The following ZBTB38 variants were observed in gnomAD, a reference collection of about 807,000 sequenced individuals.
ZBTB38 encodes zinc finger and BTB domain containing 38, also known as zinc finger and BTB domain-containing protein 38.
In ZBTB38, 20 loss-of-function variants were observed where a neutral mutation model predicts 76.8. The observed-to-expected ratio is 0.26, with a 90% CI of 0.18 to 0.38. The LOEUF (loss-of-function observed/expected upper bound fraction) is 0.38. Among genes scored for constraint, ZBTB38 ranks in the 10% least tolerant of loss-of-function variants. ZBTB38 has a pLI of 1.00. For synonymous variants in ZBTB38, 504 were observed against 544.2 expected, an observed-to-expected ratio of 0.93 and a Z score of 1.03; for missense variants, 1,082 against 1,482.3, an observed-to-expected ratio of 0.73 and a Z score of 4.43.
chr3:141,327,970 T>C (rs1942724357), intron 1 of ZBTB38, among the ~76,000 whole-genome samples: 3 of 152,234 alleles, frequency 2.0e-5, no homozygotes. Context: ...CAGAACTAGG[T>C]CATGCCTCTG....
intron 5 of ZBTB38, among the ~76,000 whole-genome samples, chr3:141,417,455 T>G (rs1227257688): frequency 1.3e-5 from 2 of 152,214 alleles, no homozygotes; most frequent in African/African-American, 4.8e-5. Flanking sequence ...GTAGCACATC[T>G]AAACGCAGTA....
chr3:141,377,291 G>A (rs547792012), intron 2 of ZBTB38, among the ~76,000 whole-genome samples: 2 of 152,360 alleles, frequency 1.3e-5, no homozygotes, highest in Admixed American at 1.3e-4. Context: ...CCAAACTGCT[G>A]TGTAGACAGC....
At chr3:141,345,225 G>A (rs1399982216) in intron 1 of ZBTB38, among the ~76,000 whole-genome samples, 1 of 152,082 alleles carries the variant, frequency 6.6e-6, no homozygotes, top group African/African-American at 2.4e-5. Flanking sequence ...AGCTCTAGTG[G>A]TTTCTGTGGG....
chr3:141,403,809 C>T (rs1358970931), intron 4 of ZBTB38, 118 bp from the exon 5 acceptor site: 1 of 152,210 alleles, frequency 6.6e-6, no homozygotes, highest in African/African-American at 2.4e-5. Flanking sequence ...ATATGTCAAC[C>T]ACTTTGTGGG....
intron 5 of ZBTB38, among the ~76,000 whole-genome samples, chr3:141,435,052 G>C (rs1193356054): frequency 1.3e-5 from 2 of 152,140 alleles, no homozygotes; most frequent in Non-Finnish European, 2.9e-5. Flanking sequence ...AGCTGAGGTG[G>C]AAGGATCACT....
At position 141,327,466 on chromosome 3, in the gene ZBTB38, A is replaced by G. The variant is rs370812175; in HGVS notation, c.-739+3010A>G. ...AGTCCAACCGTGAGAAAAATGTCAG[A>G]CTAAAATTGAAGAAAATTCTATAAA... On this transcript the variant is annotated intron_variant, in intron 1 of 7. Coordinates refer to the ZBTB38 transcript ENST00000509842. Among the ~76,000 whole-genome samples the G allele has an allele frequency of 3.3e-5, 5 of 152,200 alleles. No individual in the cohort carries two copies. In the South Asian group the frequency reaches 8.3e-4, roughly 25 times the overall value.
chr3:141,413,489 C>T lies in ZBTB38; in HGVS notation c.-1+9458C>T, dbSNP rs768467217. 6.6e-6 allele frequency among the ~76,000 whole-genome samples: 1 copy of T among 152,158 alleles called. No homozygotes were observed. Among genetic ancestry groups the T allele is most frequent in the Non-Finnish European group, 1.5e-5 (1 of 68,036 alleles). On this transcript the variant is annotated intron_variant, in intron 5 of 5. Coordinates refer to ENST00000321464, the MANE Select transcript of ZBTB38 (RefSeq NM_001376113.1). The surrounding 1 kb of genome is among the most constrained non-coding windows in gnomAD (Gnocchi z 4.1). ...CCCTATTGTTTTGAATACCTGACAGCTGGATGGTCCAGGCCCTATTTCTAT... is the reference window on the plus strand; with the variant it reads ...CCCTATTGTTTTGAATACCTGACAGTTGGATGGTCCAGGCCCTATTTCTAT...
chr3:141,434,235 G>A, intron 5 of ZBTB38: 1 of 983,710 alleles, frequency 1.0e-6, no homozygotes, highest in Non-Finnish European at 1.2e-6. Flanking sequence ...GAACAAATGA[G>A]GATTGCCAGG....
Position 141,442,234 on chromosome 3 carries a change from A to G in ZBTB38, c.1-155A>G, listed in dbSNP as rs1205265674. Among the ~76,000 whole-genome samples the G allele has an allele frequency of 6.6e-6, 1 of 152,204 alleles. No homozygotes were observed. The highest frequency in any genetic ancestry group is 1.5e-5 in the Non-Finnish European group (1 of 68,030). On this transcript the variant is annotated intron_variant, in intron 5 of 5. Coordinates refer to ENST00000321464, the MANE Select transcript of ZBTB38 (RefSeq NM_001376113.1). The surrounding 1 kb of genome is among the most constrained non-coding windows in gnomAD (Gnocchi z 6.4). ...GGGCAAGAAAAAGATTTAGCTTCTA[A>G]TGTTGACTCTTGAGTCTCGGGAGCA...
chr3:141,348,217 G>A (rs1046023315), intron 1 of ZBTB38, among the ~76,000 whole-genome samples: 2 of 152,126 alleles, frequency 1.3e-5, no homozygotes, highest in African/African-American at 4.8e-5. Context: ...TACTATATAT[G>A]GTCATATGGT....
chr3:141,390,663 C>G (rs1948579715), intron 4 of ZBTB38, among the ~76,000 whole-genome samples: 1 of 152,174 alleles, frequency 6.6e-6, no homozygotes, highest in Admixed American at 6.5e-5. Flanking sequence ...CCATGTGGTT[C>G]ATTCTAACAG....
At chr3:141,425,358 A>T (rs1218753227) in intron 5 of ZBTB38, among the ~76,000 whole-genome samples, 1 of 152,250 alleles carries the variant, frequency 6.6e-6, no homozygotes, top group South Asian at 2.1e-4. Context: ...GATAAAAATC[A>T]AAATCAAAAT....
At chr3:141,415,224 G>C (rs2073703967) in intron 5 of ZBTB38, among the ~76,000 whole-genome samples, 1 of 152,122 alleles carries the variant, frequency 6.6e-6, no homozygotes, top group Admixed American at 6.5e-5. Context: ...TCTGGAATCT[G>C]TCCTGTTTAC....
intron 5 of ZBTB38, among the ~76,000 whole-genome samples, chr3:141,441,774 G>A (rs2080289598): frequency 6.6e-6 from 1 of 152,052 alleles, no homozygotes; most frequent in African/African-American, 2.4e-5. Context: ...AAATTAGCCG[G>A]GCGTGGTGGC....
intron 5 of ZBTB38, among the ~76,000 whole-genome samples, chr3:141,414,041 A>G (rs1370407616): frequency 2.6e-5 from 4 of 152,224 alleles, no homozygotes; most frequent in South Asian, 2.1e-4. Flanking sequence ...TAGAAGGACA[A>G]TGACTCACAG....
At chr3:141,363,267 G>A (rs975553290) in intron 1 of ZBTB38, among the ~76,000 whole-genome samples, 2 of 152,008 alleles carry the variant, frequency 1.3e-5, no homozygotes, top group Admixed American at 1.3e-4. Flanking sequence ...AAATGAGAAG[G>A]TTTCCTAGGT....
chr3:141,412,114 T>G (rs1399862223), intron 5 of ZBTB38, among the ~76,000 whole-genome samples: 2 of 152,214 alleles, frequency 1.3e-5, no homozygotes, highest in Non-Finnish European at 2.9e-5. Context: ...ACCTATATTT[T>G]TTTTCTCCCA....
Position 141,448,464 on chromosome 3 carries a change from T to G in ZBTB38, c.*2488T>G, listed in dbSNP as rs1049089718. 6.6e-6 allele frequency: 1 copy of G among 152,590 alleles called. No homozygotes were observed. The highest frequency in any genetic ancestry group is 2.4e-5 in the African/African-American group (1 of 41,450). The allele number at this position is 152,590 out of a possible 1,614,324, so 9.5% of individuals were successfully genotyped here. On this transcript the variant is annotated 3_prime_UTR_variant, in exon 6 of 6. Coordinates refer to ENST00000321464, the MANE Select transcript of ZBTB38 (RefSeq NM_001376113.1). ...CATTTTTTTGTTAATTGTGAAAATT[T>G]TATTGAGTGATGTTTAAGTATGCAT... is the stretch of plus-strand genomic sequence containing the variant.
upstream of ZBTB38, chr3:141,366,517 T>A (rs963986234): frequency 6.6e-6 from 1 of 152,262 alleles, no homozygotes; most frequent in Admixed American, 6.5e-5. Flanking sequence ...ATTAAAAGCA[T>A]GTAGCTTTCT....
Sources: gnomAD v4.1 joint callset for allele counts (sites outside exome capture counted in the v4.1 genomes callset) on GRCh38, gnomAD v4.1.1 for gene constraint, Gnocchi (gnomAD v3.1) non-coding constraint, MANE v1.5 for transcripts, NCBI Gene and HGNC (gene_info 2026-07-23, HGNC 2026-07-21) for gene names.